The following DNAH12 variants were observed in gnomAD, a reference collection of about 807,000 sequenced individuals.
DNAH12 encodes the protein axonemal beta dynein heavy chain 12.
A neutral mutation model predicts 371.5 loss-of-function variants in DNAH12; 285 were observed. The observed-to-expected ratio is 0.77, with a 90% CI of 0.70 to 0.85. The LOEUF (loss-of-function observed/expected upper bound fraction) is 0.85. DNAH12 is among the 40% of genes least tolerant of loss of function. The pLI is 0.00. For missense variants in DNAH12, 3,611 were observed against 3,689.4 expected (o/e 0.98, Z 0.55); for synonymous variants, 1,200 against 1,213.0 (o/e 0.99, Z 0.22).
chr3:57,436,536 G>A lies in DNAH12; in HGVS notation c.4655+415C>T, dbSNP rs1225164601. 3.9e-5 allele frequency among the ~76,000 whole-genome samples: 6 copies of A among 152,170 alleles called. No individual in the cohort carries two copies. In the East Asian group the frequency reaches 9.6e-4, roughly 24 times the overall value. On this transcript the variant is annotated intron_variant, in intron 30 of 73. Transcript: ENST00000495027. ...CCCACTATTGTGCACTGGGTTTGTGGAGAAAAGATAACTTGTCTTTCTAGG... is the reference window on the plus strand; with the variant it reads ...CCCACTATTGTGCACTGGGTTTGTGAAGAAAAGATAACTTGTCTTTCTAGG...
chr3:57,486,910 A>G (rs755772133), intron 12 of DNAH12, among the ~76,000 whole-genome samples: 7 of 150,620 alleles, frequency 4.6e-5, no homozygotes, highest in Non-Finnish European at 7.4e-5. Context: ...TATTTTATAC[A>G]GAGGGGCCAG....
At chr3:57,432,169 T>TC (rs2064975621) in intron 32 of DNAH12, among the ~76,000 whole-genome samples, 1 of 3,130 alleles carries the variant, frequency 3.2e-4, no homozygotes, top group African/African-American at 0.01. Context: ...TCAGTATATC[T>TC]TTTTTTTTTT....
chr3:57,365,881 A>G lies in DNAH12; in HGVS notation c.9167+848T>C, dbSNP rs1024211324. 2.0e-5 allele frequency among the ~76,000 whole-genome samples: 3 copies of G among 151,844 alleles called. No individual in the cohort carries two copies. In the East Asian group the frequency reaches 5.8e-4, roughly 29 times the overall value. ...TGTACACATATATATATATATATAA[A>G]TGTATTTCTATTTACGGTCATAGCA... On this transcript the variant is annotated intron_variant, in intron 57 of 73. Coordinates refer to ENST00000495027, the MANE Select transcript of DNAH12 (RefSeq NM_001366028.2).
chr3:57,534,359 GT>G (rs575442905), intron 2 of DNAH12, among the ~76,000 whole-genome samples: 13 of 152,132 alleles, frequency 8.5e-5, no homozygotes, highest in East Asian at 5.8e-4. Context: ...TTATGAAGGT[GT>G]TTTTTTGTGT....
At chr3:57,529,819 T>A (rs2068778913) in intron 2 of DNAH12, among the ~76,000 whole-genome samples, 1 of 152,154 alleles carries the variant, frequency 6.6e-6, no homozygotes, top group Non-Finnish European at 1.5e-5. Flanking sequence ...TTAAGATGCA[T>A]CACTAGGTTA....
At chr3:57,389,875 TGCCAGGTTGGAATGCAGTGGC>T (rs2063578853) in intron 45 of DNAH12, among the ~76,000 whole-genome samples, 2 of 138,752 alleles carry the variant, frequency 1.4e-5, no homozygotes, top group Non-Finnish European at 3.2e-5. Flanking sequence ...TTCACTCTGT[TGCCAGGTTGGAATGCAGTGGC>T]ACAATCTCGG....
At chr3:57,358,486 AATT>A (rs1172277888) in intron 58 of DNAH12, among the ~76,000 whole-genome samples, 1 of 152,166 alleles carries the variant, frequency 6.6e-6, no homozygotes, top group Non-Finnish European at 1.5e-5. Context: ...TGAGAAAATA[AATT>A]ATTCCCTTGT....
At chr3:57,451,599 A>C (rs975625894) in intron 25 of DNAH12, among the ~76,000 whole-genome samples, 1 of 152,252 alleles carries the variant, frequency 6.6e-6, no homozygotes, top group African/African-American at 2.4e-5. Context: ...TGATGGCGCC[A>C]CTGCATTCCA....
At chr3:57,398,717 T>C (rs2063795436) in intron 43 of DNAH12, among the ~76,000 whole-genome samples, 1 of 152,150 alleles carries the variant, frequency 6.6e-6, no homozygotes, top group Non-Finnish European at 1.5e-5. Flanking sequence ...CTTACAAAAA[T>C]GAAGGTGAAA....
At chr3:57,537,669 T>A (rs28444550) in intron 2 of DNAH12, among the ~76,000 whole-genome samples, 8 of 150,982 alleles carry the variant, frequency 5.3e-5, no homozygotes, top group South Asian at 2.1e-4. Context: ...AGGTATTTTT[T>A]AAAAAATGGT....
intron 11 of DNAH12, among the ~76,000 whole-genome samples, chr3:57,497,482 T>C (rs2067362466): frequency 6.6e-6 from 1 of 152,216 alleles, no homozygotes. Context: ...GATAATTCAA[T>C]GAGTACAAGA....
At chr3:57,485,966 T>G (rs1171474561) in intron 12 of DNAH12, among the ~76,000 whole-genome samples, 2 of 151,922 alleles carry the variant, frequency 1.3e-5, no homozygotes, top group African/African-American at 4.8e-5. Context: ...ATGCCTGTAA[T>G]CTCAGCACTT....
chr3:57,455,303 A>T (rs1422881039), intron 22 of DNAH12, among the ~76,000 whole-genome samples: 1 of 151,758 alleles, frequency 6.6e-6, no homozygotes. Flanking sequence ...GGTGACTGAC[A>T]CCTGTAATCC....
At chr3:57,458,344 G>T in intron 20 of DNAH12, 124 bp from the exon 21 acceptor site, 1 of 1,238,348 alleles carries the variant, frequency 8.1e-7, no homozygotes, top group Non-Finnish European at 1.0e-6. Context: ...AATGTCAAAG[G>T]TTTATAAAAT....
chr3:57,306,529 A>G (rs949368128), intron 69 of DNAH12, among the ~76,000 whole-genome samples: 6 of 151,954 alleles, frequency 3.9e-5, no homozygotes, highest in Non-Finnish European at 7.4e-5. Flanking sequence ...CCCCCAGTTC[A>G]AAGCCTGCTT....
rs925071372 is a variant in DNAH12, at chr3:57,457,907, G to A, written c.3150C>T (p.Gly1050=). 3 of 1,551,460 alleles carry A rather than the reference G, an allele frequency of 1.9e-6. No homozygotes were observed. The highest frequency in any genetic ancestry group is 2.6e-6 in the Non-Finnish European group (3 of 1,146,974). ...TGGGAAGGAACTCTAATTTAGCAAT[G>A]CCCTCAAAGCATTTTTTTAAATGTG... The part of the protein sequence containing the change: ...VQPHLKKCFE[G]IAKLEFLPNL... Residue 1050 remains glycine, a synonymous_variant, in exon 22 of 74, where the codon GGC becomes GGT. Coordinates refer to ENST00000495027, the MANE Select transcript of DNAH12 (RefSeq NM_001366028.2).
chr3:57,324,406 G>A (rs1304874854), intron 62 of DNAH12, among the ~76,000 whole-genome samples: 1 of 152,132 alleles, frequency 6.6e-6, no homozygotes, highest in Non-Finnish European at 1.5e-5. Context: ...AGATGGCCTG[G>A]GAGGCCATGA....
chr3:57,323,968 A>G (rs939515511), intron 62 of DNAH12, among the ~76,000 whole-genome samples: 2 of 152,148 alleles, frequency 1.3e-5, no homozygotes, highest in Non-Finnish European at 2.9e-5. Flanking sequence ...TTTTCCTGGC[A>G]TTTCTTGCAG....
At chr3:57,349,671 G>A (rs1460430693) in intron 60 of DNAH12, among the ~76,000 whole-genome samples, 1 of 152,090 alleles carries the variant, frequency 6.6e-6, no homozygotes, top group African/African-American at 2.4e-5. Flanking sequence ...CAGCAACCTG[G>A]ATGGAATTGG....
Sources: gnomAD v4.1 joint callset for allele counts (sites outside exome capture counted in the v4.1 genomes callset) on GRCh38, gnomAD v4.1.1 for gene constraint, MANE v1.5 for transcripts, NCBI Gene and HGNC (gene_info 2026-07-23, HGNC 2026-07-21) for gene names.